The following CNTNAP5 variants were observed in gnomAD, a reference collection of about 807,000 sequenced individuals.
CNTNAP5 encodes contactin associated protein family member 5, also known as contactin-associated protein-like 5.
In CNTNAP5, 72 loss-of-function variants were observed where a neutral mutation model predicts 150.2. The observed-to-expected ratio is 0.48, with a 90% confidence interval of 0.40 to 0.58. The LOEUF (loss-of-function observed/expected upper bound fraction) is 0.58, where lower values mean the gene tolerates loss of function less well. Among genes scored for constraint, CNTNAP5 ranks in the 20% least tolerant of loss-of-function variants. CNTNAP5 has a pLI of 0.00. For synonymous variants in CNTNAP5, 672 were observed against 619.8 expected, an observed-to-expected ratio of 1.08 and a Z score of -1.25; for missense variants, 1,636 against 1,626.2, an observed-to-expected ratio of 1.01 and a Z score of -0.10.
intron 13 of CNTNAP5, among the ~76,000 whole-genome samples, chr2:124,700,174 T>C (rs1679493156): frequency 6.6e-6 from 1 of 152,198 alleles, no homozygotes. Context: ...GATTTGTCCA[T>C]GTTGTAGTAT....
chr2:124,129,922 C>T lies in CNTNAP5; in HGVS notation c.83-91783C>T, dbSNP rs1177950072. ...TGCAAATGAGTAAACAGATACTGTC[C>T]CTAATCCTGAAAGCACTGAAGACAT... On this transcript the variant is annotated intron_variant, in intron 1 of 23. Transcript: ENST00000682447. Among the ~76,000 whole-genome samples, 3 of 152,076 alleles carry T rather than the reference C, an allele frequency of 2.0e-5. 1 individual carries two copies. The South Asian group carries it at 6.2e-4, about 31-fold the overall frequency.
rs918883261 is a variant in CNTNAP5, at chr2:124,920,163, G to C, written c.*5875G>C. Among the ~76,000 whole-genome samples, 1 of 152,040 alleles carries C rather than the reference G, an allele frequency of 6.6e-6. No homozygotes were observed. Among genetic ancestry groups the C allele is most frequent in the Non-Finnish European group, 1.5e-5 (1 of 67,998 alleles). ...GATTAGTCCCAAGCCAAGACCAAAG[G>C]TGAAGATAATTGTGTTAGTGATTAA... On this transcript the variant is annotated 3_prime_UTR_variant, in exon 24 of 24. Coordinates refer to ENST00000682447, the MANE Select transcript of CNTNAP5 (RefSeq NM_001367498.1).
chr2:124,531,652 A>T (rs1232839203), intron 10 of CNTNAP5, among the ~76,000 whole-genome samples: 2 of 152,172 alleles, frequency 1.3e-5, no homozygotes, highest in Non-Finnish European at 2.9e-5. Context: ...GACGTATGTC[A>T]GTGTTCTCAA....
intron 12 of CNTNAP5, among the ~76,000 whole-genome samples, chr2:124,644,915 C>G (rs1678172645): frequency 6.6e-6 from 1 of 152,104 alleles, no homozygotes; most frequent in African/African-American, 2.4e-5. Context: ...TACACACACA[C>G]ACACACACAC....
Position 124,353,636 on chromosome 2 carries a change from C to A in CNTNAP5, c.382-63807C>A, listed in dbSNP as rs546751430. 4.6e-5 allele frequency among the ~76,000 whole-genome samples: 7 copies of A among 152,252 alleles called. No homozygotes were observed. In the South Asian group the frequency reaches 1.5e-3, roughly 32 times the overall value. On this transcript the variant is annotated intron_variant, in intron 3 of 23. Transcript: ENST00000682447. ...TCTCCATGATACAGTGCCTCAAATT[C>A]TTATACGAATTTTCTCACTTCTAGA... is the stretch of plus-strand genomic sequence containing the variant.
chr2:124,439,394 T>C (rs1558902727), intron 5 of CNTNAP5, among the ~76,000 whole-genome samples: 1 of 152,228 alleles, frequency 6.6e-6, no homozygotes, highest in South Asian at 2.1e-4. Context: ...TATTTCTACT[T>C]ACTTTTTAGC....
At chr2:124,554,004 T>G (rs964672173) in intron 10 of CNTNAP5, among the ~76,000 whole-genome samples, 1 of 152,228 alleles carries the variant, frequency 6.6e-6, no homozygotes, top group Non-Finnish European at 1.5e-5. Context: ...TTTTTGAATG[T>G]AGAACAGACT....
chr2:124,142,337 AT>A (rs2104618100), intron 1 of CNTNAP5, among the ~76,000 whole-genome samples: 2 of 146,812 alleles, frequency 1.4e-5, no homozygotes, highest in African/African-American at 5.1e-5. Context: ...CAGAATATAC[AT>A]TTTTTTCAGC....
intron 19 of CNTNAP5, among the ~76,000 whole-genome samples, chr2:124,817,654 T>C (rs1682393763): frequency 6.6e-6 from 1 of 152,186 alleles, no homozygotes; most frequent in Non-Finnish European, 1.5e-5. Context: ...TACTGGAGGA[T>C]AAAATTATTC....
chr2:124,219,862 G>A (rs1309766730), intron 1 of CNTNAP5, among the ~76,000 whole-genome samples: 1 of 151,892 alleles, frequency 6.6e-6, no homozygotes, highest in African/African-American at 2.4e-5. Flanking sequence ...TCTGCTTTCT[G>A]TTCACCAAAT....
At position 124,914,964 on chromosome 2, in the gene CNTNAP5, G is replaced by C. The variant is rs758266358; in HGVS notation, c.*676G>C. On this transcript the variant is annotated 3_prime_UTR_variant, in exon 24 of 24. Coordinates refer to ENST00000682447, the MANE Select transcript of CNTNAP5 (RefSeq NM_001367498.1). ...TACCACTCTCTCCTGGGGCCGACAC[G>C]TTGGGACAGCACACCATAGCATAAA... is the stretch of plus-strand genomic sequence containing the variant. The C allele has an allele frequency of 6.6e-6, 1 of 152,150 alleles. No individual in the cohort carries two copies. Among genetic ancestry groups the C allele is most frequent in the Non-Finnish European group, 1.5e-5 (1 of 68,010 alleles). The allele number at this position is 152,150 out of a possible 1,614,324, so 9.4% of individuals were successfully genotyped here. A position where few individuals can be genotyped will look rare whatever the true frequency, so the allele number is the denominator to read the frequency against.
intron 7 of CNTNAP5, among the ~76,000 whole-genome samples, chr2:124,478,497 T>A (rs1693693403): frequency 6.6e-6 from 1 of 152,112 alleles, no homozygotes; most frequent in African/African-American, 2.4e-5. Context: ...TAAGTGAGAA[T>A]TCGTATCACT....
In CNTNAP5 at chr2:124,873,582, A is replaced by T. The variant is rs193213578; in HGVS notation, c.3436+3820A>T. ...GCAGAAGGTAAAGGGAGACAATATG[A>T]ACATTCAGGCTTATTATTTAGAAAG... On this transcript the variant is annotated intron_variant, in intron 21 of 23. Transcript: ENST00000682447. 2.9e-3 allele frequency among the ~76,000 whole-genome samples: 445 copies of T among 152,210 alleles called. 2 individuals carry two copies. The highest frequency in any genetic ancestry group is 9.7e-3 in the African/African-American group (402 of 41,568).
intron 11 of CNTNAP5, among the ~76,000 whole-genome samples, chr2:124,589,990 A>G (rs1696643863): frequency 6.6e-6 from 1 of 152,088 alleles, no homozygotes; most frequent in Non-Finnish European, 1.5e-5. Context: ...GACTTCCTGA[A>G]TGGGTTAATG....
intron 21 of CNTNAP5, among the ~76,000 whole-genome samples, chr2:124,887,971 T>G (rs1178618813): frequency 6.6e-6 from 1 of 152,122 alleles, no homozygotes; most frequent in Admixed American, 6.6e-5. Flanking sequence ...ATTTTAACTT[T>G]TATAATATTT....
chr2:124,848,732 T>C (rs1036487205), intron 19 of CNTNAP5, among the ~76,000 whole-genome samples: 2 of 152,212 alleles, frequency 1.3e-5, no homozygotes, highest in Admixed American at 6.5e-5. Flanking sequence ...GGTCTTGATC[T>C]GCATTTCTCT....
rs962700843 is a variant in CNTNAP5, at chr2:124,216,658, C to T, written c.83-5047C>T. On this transcript the variant is annotated intron_variant, in intron 1 of 23. Transcript: ENST00000682447. ...TGCGGTGTTTGGTTTTTTGTCCTTG[C>T]GATAATTTGCTGAGAATGATAGTTT... is the stretch of plus-strand genomic sequence containing the variant. Among the ~76,000 whole-genome samples, 17 of 152,096 alleles carry T rather than the reference C, an allele frequency of 1.1e-4. No individual in the cohort carries two copies. The East Asian group carries it at 1.4e-3, about 12-fold the overall frequency.
At chr2:124,723,312 T>C (rs1680087233) in intron 13 of CNTNAP5, among the ~76,000 whole-genome samples, 1 of 152,304 alleles carries the variant, frequency 6.6e-6, no homozygotes, top group South Asian at 2.1e-4. Flanking sequence ...TTTTTTTTAC[T>C]TTTATAACAA....
chr2:124,280,098 T>C (rs1687976594), intron 3 of CNTNAP5, among the ~76,000 whole-genome samples: 1 of 151,952 alleles, frequency 6.6e-6, no homozygotes, highest in African/African-American at 2.4e-5. Flanking sequence ...TTGTCATCCT[T>C]AACCTCTTAT....
Sources: gnomAD v4.1 joint callset for allele counts (sites outside exome capture counted in the v4.1 genomes callset) on GRCh38, gnomAD v4.1.1 for gene constraint, MANE v1.5 for transcripts, NCBI Gene and HGNC (gene_info 2026-07-23, HGNC 2026-07-21) for gene names.